The following CLIP1 variants were observed in gnomAD, a reference collection of about 807,000 sequenced individuals.
CLIP1 encodes CAP-Gly domain-containing linker protein 1.
Under a neutral mutation model 161.6 loss-of-function variants are expected in CLIP1, and 66 were observed. The ratio of observed to expected loss-of-function variants is 0.41; its 90% CI spans 0.33 to 0.50. CLIP1 has a LOEUF of 0.50. Among genes scored for constraint, CLIP1 ranks in the 20% least tolerant of loss-of-function variants. The pLI is 0.27. For missense variants in CLIP1, 1,376 were observed against 1,702.0 expected (o/e 0.81, Z 3.37); for synonymous variants, 598 against 626.2 (o/e 0.96, Z 0.67).
chr12:122,356,611 T>TCCCTCTCCCTCTCTCCCTCTCC (rs2136500188), intron 5 of CLIP1, among the ~76,000 whole-genome samples: 1 of 150,522 alleles, frequency 6.6e-6, no homozygotes, highest in East Asian at 1.9e-4. Flanking sequence ...TCTCCCTCTC[T>TCCCTCTCCCTCTCTCCCTCTCC]CCCTCTCCCT....
intron 1 of CLIP1, among the ~76,000 whole-genome samples, chr12:122,421,213 C>A (rs1415455980): frequency 6.6e-6 from 1 of 151,344 alleles, no homozygotes; most frequent in Admixed American, 6.6e-5. Context: ...AAAAGCTAGC[C>A]CAGAGCCTGG....
chr12:122,329,800 T>C (rs1200821776), intron 15 of CLIP1, among the ~76,000 whole-genome samples: 1 of 151,746 alleles, frequency 6.6e-6, no homozygotes, highest in South Asian at 2.1e-4. Flanking sequence ...AAAGAGACCA[T>C]GTGGTTGAAC....
chr12:122,277,952 G>A, intron 24 of CLIP1: 1 of 596,216 alleles, frequency 1.7e-6, no homozygotes, highest in Non-Finnish European at 2.9e-6. Context: ...GTTGGGAACT[G>A]AGCAGAAGAG....
At chr12:122,297,785 C>T (rs7303975) in intron 20 of CLIP1, among the ~76,000 whole-genome samples, 2 of 152,048 alleles carry the variant, frequency 1.3e-5, no homozygotes, top group Non-Finnish European at 2.9e-5. Flanking sequence ...AAGGGAGTGG[C>T]GCAGACACAG....
At chr12:122,289,365 G>A (rs1955999680) in intron 20 of CLIP1, among the ~76,000 whole-genome samples, 1 of 151,932 alleles carries the variant, frequency 6.6e-6, no homozygotes, top group East Asian at 2.0e-4. Context: ...GTTGCAGTGA[G>A]CCAAGATTGA....
intron 9 of CLIP1, among the ~76,000 whole-genome samples, chr12:122,348,023 C>T (rs879760040): frequency 6.6e-6 from 1 of 152,064 alleles, no homozygotes. Context: ...TATAACTTGA[C>T]GTAAATAAGG....
At chr12:122,390,564 G>A (rs1955614027) in intron 1 of CLIP1, among the ~76,000 whole-genome samples, 1 of 151,314 alleles carries the variant, frequency 6.6e-6, no homozygotes, top group African/African-American at 2.4e-5. Context: ...CGCCCACCTC[G>A]GCCTCCCAAA....
intron 10 of CLIP1, chr12:122,342,474 T>C (rs1952550909): frequency 6.6e-6 from 1 of 152,144 alleles, no homozygotes; most frequent in South Asian, 2.1e-4. Context: ...TCATCTGAAG[T>C]GAGGTGTGGT....
intron 1 of CLIP1, among the ~76,000 whole-genome samples, chr12:122,405,085 C>T (rs1161135143): frequency 6.6e-6 from 1 of 152,150 alleles, no homozygotes; most frequent in Admixed American, 6.6e-5. Flanking sequence ...ATGCCTTTCA[C>T]ATGAGATTAC....
intron 1 of CLIP1, among the ~76,000 whole-genome samples, chr12:122,386,877 G>C (rs1289711468): frequency 6.6e-6 from 1 of 150,538 alleles, no homozygotes; most frequent in Non-Finnish European, 1.5e-5. Flanking sequence ...CTGACGGTAA[G>C]ATCATCCTGC....
chr12:122,352,640 C>A, intron 8 of CLIP1, 86 bp downstream of exon 8: 1 of 1,227,796 alleles, frequency 8.1e-7, no homozygotes, highest in Non-Finnish European at 1.2e-6. Context: ...GCTGTTCTGG[C>A]CGCTCATTTC....
chr12:122,350,473 T>A (rs1473439345), intron 9 of CLIP1, among the ~76,000 whole-genome samples: 1 of 152,122 alleles, frequency 6.6e-6, no homozygotes, highest in Non-Finnish European at 1.5e-5. Flanking sequence ...CTCACTTCGG[T>A]AATAACAATT....
chr12:122,404,587 A>C lies in CLIP1; in HGVS notation c.-107+17934T>G, dbSNP rs535612265. Among the ~76,000 whole-genome samples, 4 of 138,510 alleles carry C rather than the reference A, an allele frequency of 2.9e-5. No individual in the cohort carries two copies. In the East Asian group the frequency reaches 8.8e-4, roughly 31 times the overall value. 90.9% of individuals were successfully genotyped at this position (138,510 alleles called of 152,430 possible). Reference sequence around the variant, plus strand: ...AGCACTCCAGCCTGGGCAACAGAGCAAGACTCCATCTGAAAACAAAAAACA... The same window carrying C: ...AGCACTCCAGCCTGGGCAACAGAGCCAGACTCCATCTGAAAACAAAAAACA... On this transcript the variant is annotated intron_variant, in intron 1 of 25. Coordinates refer to ENST00000620786, the MANE Select transcript of CLIP1 (RefSeq NM_001247997.2).
At chr12:122,377,987 C>T (rs765333561) in intron 2 of CLIP1, 27 bp from the exon 3 acceptor site, 6 of 1,550,364 alleles carry the variant, frequency 3.9e-6, no homozygotes, top group Non-Finnish European at 4.3e-6. Flanking sequence ...ATAAGAGATT[C>T]GATTTAATTT....
intron 20 of CLIP1, among the ~76,000 whole-genome samples, chr12:122,306,421 C>G (rs1215914854): frequency 3.9e-5 from 6 of 152,118 alleles, no homozygotes; most frequent in Non-Finnish European, 8.8e-5. Context: ...AAACTGGGGC[C>G]CTGGCTAAAA....
intron 17 of CLIP1, among the ~76,000 whole-genome samples, chr12:122,327,671 G>A (rs962083871): frequency 1.4e-4 from 21 of 151,814 alleles, no homozygotes; most frequent in African/African-American, 4.8e-4. Flanking sequence ...GAACCTTTGT[G>A]ACCTCTGGGA....
intron 9 of CLIP1, among the ~76,000 whole-genome samples, chr12:122,349,592 A>G (rs1331752565): frequency 6.6e-6 from 1 of 152,262 alleles, no homozygotes; most frequent in Non-Finnish European, 1.5e-5. Context: ...TCCATGCCAC[A>G]GCACACAGTA....
rs1212292415 is a variant in CLIP1, at chr12:122,341,490, A to C, written c.1714T>G (p.Ser572Ala). ...TRTDHQREIT[S>A]LKEHFGAREE... ...CGGGCTCCAAAATGCTCCTTCAGAG[A>C]AGTTATTTCTCTCTGGTGGTCAGTA... The change falls in exon 11 of 26, where the codon TCT becomes GCT. Residue 572 changes from serine to alanine, a missense_variant. By Grantham distance (99) the Ser-to-Ala change is moderately conservative. Around this residue, in one of 6 missense-constraint regions of CLIP1, gnomAD observed 948 missense variants for 1,134.8 expected, o/e 0.84. Transcript: ENST00000620786. The C allele has an allele frequency of 1.2e-5, 19 of 1,613,618 alleles. No homozygotes were observed. Among genetic ancestry groups the C allele is most frequent in the Non-Finnish European group, 1.5e-5 (18 of 1,179,746 alleles).
rs949655982 is a variant in CLIP1 at position 122,332,879 on chromosome 12, G to A, written c.2867+108C>T. 38 of 835,882 alleles carry A rather than the reference G, an allele frequency of 4.5e-5. No homozygotes were observed. In the Middle Eastern group the frequency reaches 8.4e-4, roughly 19 times the overall value. 51.8% of individuals were successfully genotyped at this position (835,882 alleles called of 1,614,324 possible). A position where few individuals can be genotyped will look rare whatever the true frequency, so the allele number is the denominator to read the frequency against. On this transcript the variant is annotated intron_variant, in intron 15 of 25. Transcript: ENST00000620786. Reference sequence around the variant, plus strand: ...GGTAATAACAGAAAAGAACAGAGACGGGAAACTTTAAAACGTAACAATCCT... The same window carrying A: ...GGTAATAACAGAAAAGAACAGAGACAGGAAACTTTAAAACGTAACAATCCT...
Sources: allele counts gnomAD v4.1 joint callset (sites outside exome capture counted in the v4.1 genomes callset), GRCh38; gene constraint gnomAD v4.1.1; regional missense constraint gnomAD v4.1.1; transcripts MANE v1.5; gene names NCBI Gene and HGNC (gene_info 2026-07-23, HGNC 2026-07-21).